The following ADGRL3 variants were observed in gnomAD, a reference collection of about 807,000 sequenced individuals.
ADGRL3 encodes the protein adhesion G protein-coupled receptor L3.
Under a neutral mutation model 153.5 loss-of-function variants are expected in ADGRL3, and 62 were observed. The observed-to-expected ratio is 0.40, with a 90% CI of 0.33 to 0.50. The LOEUF is 0.50. Ranked by LOEUF, ADGRL3 falls within the 20% of genes least tolerant of loss-of-function variation. ADGRL3 has a pLI of 0.47. For synonymous variants in ADGRL3, 710 were observed against 672.5 expected (o/e 1.06, Z -0.86); for missense variants, 1,641 against 1,859.4 (o/e 0.88, Z 2.16).
intron 21 of ADGRL3, among the ~76,000 whole-genome samples, chr4:62,024,507 C>T (rs1047889788): frequency 2.0e-5 from 3 of 151,858 alleles, no homozygotes; most frequent in Non-Finnish European, 4.4e-5. Context: ...TAATCTCTGT[C>T]ATTTATAATG....
intron 1 of ADGRL3, among the ~76,000 whole-genome samples, chr4:61,372,467 A>T (rs867434078): frequency 9.9e-5 from 15 of 152,200 alleles, no homozygotes; most frequent in Admixed American, 9.8e-4. Flanking sequence ...CCTCAGCTGC[A>T]GGTCTGTTGG....
At position 62,073,759 on chromosome 4, in the gene ADGRL3, T is replaced by G; in HGVS notation, c.*2851T>G. On this transcript the variant is annotated 3_prime_UTR_variant, in exon 27 of 27. Transcript: ENST00000683033. Reference sequence around the variant, plus strand: ...TACACAAACTGGTGCAGAAGAACATTCAGCATATAAAGTTACTACCAAGCT... The same window carrying G: ...TACACAAACTGGTGCAGAAGAACATGCAGCATATAAAGTTACTACCAAGCT... The G allele has an allele frequency of 6.6e-6, 1 of 152,026 alleles. No homozygotes were observed. The allele number at this position is 152,026 out of a possible 1,614,324, so 9.4% of individuals were successfully genotyped here. A position where few individuals can be genotyped will look rare whatever the true frequency, so the allele number is the denominator to read the frequency against.
intron 1 of ADGRL3, among the ~76,000 whole-genome samples, chr4:61,251,571 A>G (rs1242981570): frequency 6.6e-6 from 1 of 152,184 alleles, no homozygotes; most frequent in Non-Finnish European, 1.5e-5. Context: ...ACTTGTGGTT[A>G]TCGCCAATGA....
intron 9 of ADGRL3, among the ~76,000 whole-genome samples, chr4:61,870,004 G>T (rs1236248443): frequency 1.5e-5 from 2 of 135,036 alleles, no homozygotes; most frequent in African/African-American, 5.4e-5. Context: ...GAGAGAGAGA[G>T]AGAGAGAAAG....
At chr4:61,932,906 A>G (rs186434900) in intron 13 of ADGRL3, among the ~76,000 whole-genome samples, 4 of 152,004 alleles carry the variant, frequency 2.6e-5, no homozygotes, top group Admixed American at 1.3e-4. Flanking sequence ...GTCTTGGAAC[A>G]TGTTCTTTCT....
At position 61,202,127 on chromosome 4, in the gene ADGRL3, T is replaced by TG. The variant is rs1734968579; in HGVS notation, c.-240+362_-240+363insG. 2 of 152,646 alleles carry TG rather than the reference T, an allele frequency of 1.3e-5. No homozygotes were observed. Among genetic ancestry groups the TG allele is most frequent in the African/African-American group, 4.8e-5 (2 of 41,460 alleles). The allele number at this position is 152,646 out of a possible 1,614,324, so 9.5% of individuals were successfully genotyped here. On this transcript the variant is annotated intron_variant, in intron 1 of 26. Transcript: ENST00000683033. The surrounding 1 kb of genome is among the most constrained non-coding windows in gnomAD (Gnocchi z 5.0). ...TCCCTCTCCTCTCACCCCAGTGGCA[T>TG]CCCCTGGTGGGGGCAGAAAGCGGAC...
intron 6 of ADGRL3, among the ~76,000 whole-genome samples, chr4:61,699,513 TA>T (rs1319894575): frequency 1.3e-5 from 2 of 151,972 alleles, no homozygotes; most frequent in African/African-American, 2.4e-5. Flanking sequence ...GTGGGACAGG[TA>T]AAGGATTATG....
chr4:61,452,321 G>C (rs1005352627), intron 2 of ADGRL3, among the ~76,000 whole-genome samples: 1 of 101,782 alleles, frequency 9.8e-6, no homozygotes, highest in African/African-American at 3.6e-5. Flanking sequence ...CTTGCCTTCT[G>C]CCCAGTTCTG....
intron 17 of ADGRL3, among the ~76,000 whole-genome samples, chr4:61,949,977 G>A (rs2150338244): frequency 1.3e-5 from 2 of 152,148 alleles, no homozygotes; most frequent in Admixed American, 1.3e-4. Context: ...GAAAGAAAAT[G>A]ACTACTTAAA....
intron 21 of ADGRL3, among the ~76,000 whole-genome samples, chr4:62,002,236 A>G (rs1368676954): frequency 6.8e-6 from 1 of 147,820 alleles, no homozygotes; most frequent in East Asian, 2.0e-4. Context: ...CTTCCTGCCA[A>G]GGCCCATTAA....
At chr4:61,913,195 T>C (rs1046543417) in intron 13 of ADGRL3, among the ~76,000 whole-genome samples, 1 of 152,172 alleles carries the variant, frequency 6.6e-6, no homozygotes, top group African/African-American at 2.4e-5. Context: ...TAGAGCTGTT[T>C]ATTGGTTCAA....
chr4:61,254,813 T>C (rs1346797444), intron 1 of ADGRL3, among the ~76,000 whole-genome samples: 1 of 152,084 alleles, frequency 6.6e-6, no homozygotes, highest in African/African-American at 2.4e-5. Context: ...CGAAACTTAG[T>C]TTTATCAGTC....
intron 8 of ADGRL3, among the ~76,000 whole-genome samples, chr4:61,774,785 T>A (rs1422879806): frequency 2.0e-5 from 3 of 152,242 alleles, no homozygotes; most frequent in Non-Finnish European, 4.4e-5. Context: ...AATTTATAAA[T>A]TAAACTTTGT....
intron 21 of ADGRL3, among the ~76,000 whole-genome samples, chr4:62,012,430 G>A (rs932784514): frequency 1.3e-4 from 20 of 152,086 alleles, no homozygotes; most frequent in African/African-American, 4.1e-4. Flanking sequence ...CTTTACATGT[G>A]GTAATTTATT....
intron 4 of ADGRL3, among the ~76,000 whole-genome samples, chr4:61,569,273 A>C (rs1305244891): frequency 6.6e-6 from 1 of 152,158 alleles, no homozygotes; most frequent in Non-Finnish European, 1.5e-5. Flanking sequence ...ATTTATATGT[A>C]ATTCACATGC....
intron 5 of ADGRL3, among the ~76,000 whole-genome samples, chr4:61,645,461 G>A (rs1199718234): frequency 4.6e-5 from 7 of 151,074 alleles, no homozygotes; most frequent in Non-Finnish European, 8.9e-5. Flanking sequence ...TCCTTCAGGA[G>A]CTCTTTTAGG....
chr4:61,892,316 G>C (rs534472409), intron 9 of ADGRL3, among the ~76,000 whole-genome samples: 4 of 152,062 alleles, frequency 2.6e-5, no homozygotes, highest in Admixed American at 6.5e-5. Context: ...AGGGCTTAAA[G>C]TTTTAATCAT....
chr4:61,327,287 G>A (rs537980282), intron 1 of ADGRL3, among the ~76,000 whole-genome samples: 3 of 149,060 alleles, frequency 2.0e-5, no homozygotes, highest in African/African-American at 4.9e-5. Context: ...AGCTTCAAAA[G>A]TATTCTATCT....
At chr4:61,830,306 G>A (rs928445656) in intron 9 of ADGRL3, among the ~76,000 whole-genome samples, 9 of 152,182 alleles carry the variant, frequency 5.9e-5, no homozygotes, top group African/African-American at 2.2e-4. Flanking sequence ...GTGAGCTGCA[G>A]TGAGCTAACT....
Sources: gnomAD v4.1 joint callset for allele counts (sites outside exome capture counted in the v4.1 genomes callset) on GRCh38, gnomAD v4.1.1 for gene constraint, Gnocchi (gnomAD v3.1) non-coding constraint, MANE v1.5 for transcripts, NCBI Gene and HGNC (gene_info 2026-07-23, HGNC 2026-07-21) for gene names.